The following SLC44A5 variants were observed in gnomAD, a reference collection of about 807,000 sequenced individuals.
SLC44A5 encodes the protein solute carrier family 44 member 5.
In SLC44A5, 57 loss-of-function variants were observed where a neutral mutation model predicts 101.8. The observed-to-expected ratio is 0.56, with a 90% confidence interval of 0.45 to 0.70. The LOEUF (loss-of-function observed/expected upper bound fraction) is 0.70. Among genes scored for constraint, SLC44A5 ranks in the 30% least tolerant of loss-of-function variants. The pLI is 0.00. For missense variants in SLC44A5, 737 were observed against 853.1 expected (o/e 0.86, Z 1.70); for synonymous variants, 281 against 290.9 (o/e 0.97, Z 0.35).
intron 2 of SLC44A5, chr1:75,402,366 T>C (rs760858716): frequency 5.1e-5 from 16 of 314,370 alleles, no homozygotes; most frequent in South Asian, 3.9e-4. Flanking sequence ...ACAGATGACA[T>C]TTGAAATGTT....
Position 75,532,579 on chromosome 1 carries a change from C to A in SLC44A5, c.13+8856G>T, listed in dbSNP as rs142925171. ...TTCCCTGCTTTATTTTTCTCCTTTG[C>A]AGTTATTATTCTCTAACATACTACA... On this transcript the variant is annotated intron_variant, in intron 2 of 23. Coordinates refer to ENST00000370859, the MANE Select transcript of SLC44A5 (RefSeq NM_001130058.2). 2.1e-3 allele frequency among the ~76,000 whole-genome samples: 316 copies of A among 152,292 alleles called. 1 individual carries two copies. Among genetic ancestry groups the A allele is most frequent in the African/African-American group, 7.3e-3 (302 of 41,544 alleles).
At chr1:75,659,920 T>A in the SLC44A5 span, among the ~76,000 whole-genome samples, 1 of 151,962 alleles carries the variant, frequency 6.6e-6, no homozygotes, top group African/African-American at 2.4e-5. Flanking sequence ...CACATGCAAA[T>A]CAATAAATGT....
At chr1:75,519,712 T>G (rs76123462) in intron 2 of SLC44A5, among the ~76,000 whole-genome samples, 3,202 of 152,360 alleles carry the variant, frequency 0.021, 120 homozygotes, top group African/African-American at 0.073. Context: ...CTTCCTTTAG[T>G]GAACATCTCT....
chr1:75,479,367 C>A (rs1193192230), intron 2 of SLC44A5, among the ~76,000 whole-genome samples: 1 of 152,118 alleles, frequency 6.6e-6, no homozygotes, highest in Non-Finnish European at 1.5e-5. Context: ...CAAACACATT[C>A]AAAAACTAGC....
At chr1:75,437,104 T>C (rs758997731) in intron 2 of SLC44A5, among the ~76,000 whole-genome samples, 23 of 152,042 alleles carry the variant, frequency 1.5e-4, no homozygotes, top group Admixed American at 9.2e-4. Context: ...TTTTAAAAAA[T>C]AAGTAGAATA....
At chr1:75,211,858 C>T (rs976056106) in intron 22 of SLC44A5, among the ~76,000 whole-genome samples, 29 of 148,194 alleles carry the variant, frequency 2.0e-4, no homozygotes, top group African/African-American at 7.0e-4. Flanking sequence ...TTTTCCCTCC[C>T]TCCCTCCTTC....
chr1:75,223,737 A>G (rs1378521132), intron 13 of SLC44A5, among the ~76,000 whole-genome samples: 1 of 152,178 alleles, frequency 6.6e-6, no homozygotes, highest in Non-Finnish European at 1.5e-5. Context: ...TCTCCGAGTA[A>G]GCAGAAGTTC....
intron 3 of SLC44A5, among the ~76,000 whole-genome samples, chr1:75,383,493 G>A (rs1375742518): frequency 6.6e-6 from 1 of 152,058 alleles, no homozygotes; most frequent in Admixed American, 6.5e-5. Flanking sequence ...AAGCGAGAAG[G>A]GAAGTTTAGA....
intron 2 of SLC44A5, among the ~76,000 whole-genome samples, chr1:75,467,574 A>G (rs2101717682): frequency 6.6e-6 from 1 of 152,264 alleles, no homozygotes; most frequent in Middle Eastern, 3.4e-3. Flanking sequence ...AAGAACATAC[A>G]CTGAGGAAAA....
the SLC44A5 span, among the ~76,000 whole-genome samples, chr1:75,637,330 A>G: frequency 6.6e-6 from 1 of 152,170 alleles, no homozygotes; most frequent in South Asian, 2.1e-4. Context: ...TAATTCAGCC[A>G]TAAAAAGAAA....
At chr1:75,286,804 T>G (rs955702054) in intron 5 of SLC44A5, among the ~76,000 whole-genome samples, 1 of 152,188 alleles carries the variant, frequency 6.6e-6, no homozygotes, top group African/African-American at 2.4e-5. Flanking sequence ...TTGCAGGGTT[T>G]CTGCTGAGGA....
intron 4 of SLC44A5, among the ~76,000 whole-genome samples, chr1:75,338,921 A>T (rs1041758932): frequency 2.6e-5 from 4 of 152,170 alleles, no homozygotes; most frequent in African/African-American, 7.2e-5. Flanking sequence ...TTCCCTCCAT[A>T]TGTAGACATT....
At chr1:75,613,670 A>G (rs374997637), upstream of SLC44A5, among the ~76,000 whole-genome samples, 1 of 152,256 alleles carries the variant, frequency 6.6e-6, no homozygotes, top group East Asian at 1.9e-4. Flanking sequence ...AAAGTACTAC[A>G]TAAAATTTAT....
At chr1:75,248,956 C>T (rs749742196) in intron 7 of SLC44A5, among the ~76,000 whole-genome samples, 8 of 152,028 alleles carry the variant, frequency 5.3e-5, no homozygotes, top group Non-Finnish European at 8.8e-5. Context: ...CTGAGCAATA[C>T]TTTGGATGGG....
chr1:75,641,742 G>A, the SLC44A5 span: 10 of 1,578,544 alleles, frequency 6.3e-6, no homozygotes, highest in Non-Finnish European at 8.7e-6. Context: ...GGATTCCTGA[G>A]TTTTGCATAG....
chr1:75,646,228 G>A, the SLC44A5 span, among the ~76,000 whole-genome samples: 1 of 136,028 alleles, frequency 7.4e-6, no homozygotes, highest in African/African-American at 2.5e-5. Flanking sequence ...TGGGCAGTAT[G>A]GCCATTTTCA....
intron 4 of SLC44A5, among the ~76,000 whole-genome samples, chr1:75,328,086 C>T (rs1489183300): frequency 2.0e-5 from 3 of 152,246 alleles, no homozygotes; most frequent in Non-Finnish European, 2.9e-5. Flanking sequence ...AAACTACCAG[C>T]TGCTTTCCAT....
At chr1:75,300,576 A>AAGTGTTAAAT in intron 5 of SLC44A5, 36 bp downstream of exon 5, 1 of 1,343,190 alleles carries the variant, frequency 7.4e-7, no homozygotes, top group Middle Eastern at 1.8e-4. Flanking sequence ...TTCCATTAGC[A>AAGTGTTAAAT]AGTGTTAAAT....
the SLC44A5 span, among the ~76,000 whole-genome samples, chr1:75,683,847 T>C: frequency 6.6e-6 from 1 of 151,836 alleles, no homozygotes; most frequent in East Asian, 1.9e-4. Context: ...TAAAGACATG[T>C]ATAGATTGAA....
Sources: gnomAD v4.1 joint callset for allele counts (sites outside exome capture counted in the v4.1 genomes callset) on GRCh38, gnomAD v4.1.1 for gene constraint, MANE v1.5 for transcripts, NCBI Gene and HGNC (gene_info 2026-07-23, HGNC 2026-07-21) for gene names.